The following NCOR2 variants were observed in gnomAD, a reference collection of about 807,000 sequenced individuals.
The protein encoded by NCOR2 is CTG repeat protein 26.
In NCOR2, 81 loss-of-function variants were observed where a neutral mutation model predicts 262.9. The observed-to-expected ratio is 0.31, with a 90% CI of 0.26 to 0.37. NCOR2 has a LOEUF of 0.37. Among genes scored for constraint, NCOR2 ranks in the 10% least tolerant of loss-of-function variants. The probability of loss-of-function intolerance (pLI) is 1.00; values close to 1 mark genes in which losing one functional copy is unlikely to be tolerated. For missense variants in NCOR2, 3,385 were observed against 3,621.4 expected (o/e 0.93, Z 1.68); for synonymous variants, 1,659 against 1,559.3 (o/e 1.06, Z -1.51).
At chr12:124,364,891 T>C (rs1231953672) in intron 20 of NCOR2, among the ~76,000 whole-genome samples, 1 of 151,778 alleles carries the variant, frequency 6.6e-6, no homozygotes, top group Non-Finnish European at 1.5e-5. Flanking sequence ...CGGCCTGCAT[T>C]TGGGGGTATG....
At chr12:124,369,991 T>C (rs1593249263) in intron 20 of NCOR2, among the ~76,000 whole-genome samples, 1 of 152,268 alleles carries the variant, frequency 6.6e-6, no homozygotes, top group East Asian at 1.9e-4. Context: ...AGGCAGCTTA[T>C]CAATGGGGCT....
At chr12:124,509,161 C>G (rs1251699055) in intron 1 of NCOR2, among the ~76,000 whole-genome samples, 2 of 151,930 alleles carry the variant, frequency 1.3e-5, no homozygotes, top group African/African-American at 4.8e-5. Context: ...GGGCAACCAC[C>G]CCCCCTGCAC....
At chr12:124,556,834 G>A (rs1433072923) in intron 1 of NCOR2, among the ~76,000 whole-genome samples, 6 of 148,988 alleles carry the variant, frequency 4.0e-5, no homozygotes, top group African/African-American at 1.5e-4. Context: ...GGGCAACAGA[G>A]CAAGACTCTT....
At chr12:124,403,649 T>C (rs926583442) in intron 13 of NCOR2, among the ~76,000 whole-genome samples, 4 of 152,132 alleles carry the variant, frequency 2.6e-5, no homozygotes, top group African/African-American at 4.8e-5. Flanking sequence ...GTCACGGCAA[T>C]GTTTCAAACC....
intron 8 of NCOR2, among the ~76,000 whole-genome samples, chr12:124,436,119 T>C (rs2044324078): frequency 6.6e-6 from 1 of 152,142 alleles, no homozygotes; most frequent in Admixed American, 6.5e-5. Context: ...TCACACACAG[T>C]AGGTGCTCCG....
In NCOR2 at chr12:124,523,636, T is replaced by A. The variant is rs1286743262; in HGVS notation, c.-118+11929A>T. Among the ~76,000 whole-genome samples, 15 of 138,550 alleles carry A rather than the reference T, an allele frequency of 1.1e-4. No individual in the cohort carries two copies. The highest frequency in any genetic ancestry group is 1.1e-4 in the African/African-American group (4 of 36,002). The allele number at this position is 138,550 out of a possible 152,430, so 90.9% of individuals were successfully genotyped here. On this transcript the variant is annotated intron_variant, in intron 1 of 46. Coordinates refer to the NCOR2 transcript ENST00000404621. This position sits in a 1 kb window ranked among gnomAD's most constrained non-coding sequence, Gnocchi z 4.0. Reference sequence around the variant, plus strand: ...CTAACACTAACCATAGCTGATGAACTAAAAAAAAAAAAAACAAAAAACCGA... The same window carrying A: ...CTAACACTAACCATAGCTGATGAACAAAAAAAAAAAAAAACAAAAAACCGA...
At chr12:124,521,628 C>T (rs985652319) in intron 1 of NCOR2, among the ~76,000 whole-genome samples, 1 of 152,120 alleles carries the variant, frequency 6.6e-6, no homozygotes, top group African/African-American at 2.4e-5. Flanking sequence ...GTGACCCCAC[C>T]GGTACAGGGT....
intron 1 of NCOR2, among the ~76,000 whole-genome samples, chr12:124,551,883 C>T (rs192211641): frequency 5.3e-5 from 8 of 152,210 alleles, no homozygotes; most frequent in African/African-American, 1.9e-4. Flanking sequence ...GGAAAGGCCG[C>T]GGCTCCAAGA....
intron 13 of NCOR2, among the ~76,000 whole-genome samples, chr12:124,404,978 A>G (rs2042201615): frequency 6.6e-6 from 1 of 152,204 alleles, no homozygotes; most frequent in South Asian, 2.1e-4. Context: ...GCAAAGGCTG[A>G]CGGCCCAGAG....
intron 1 of NCOR2, among the ~76,000 whole-genome samples, chr12:124,500,846 G>T (rs1458770210): frequency 2.0e-5 from 3 of 152,248 alleles, no homozygotes; most frequent in Non-Finnish European, 4.4e-5. Context: ...GGGGCTGGTG[G>T]AGGTGTGGGA....
At chr12:124,395,820 G>A (rs1223687958) in intron 16 of NCOR2, among the ~76,000 whole-genome samples, 2 of 152,176 alleles carry the variant, frequency 1.3e-5, no homozygotes, top group Non-Finnish European at 2.9e-5. Context: ...TCCGATGGGT[G>A]GGTGCTCTGG....
chr12:124,372,348 CT>C lies in NCOR2; in HGVS notation c.2480del (p.Lys827ArgfsTer137). On this transcript the variant is annotated frameshift_variant, in exon 20 of 47. Coordinates refer to ENST00000405201, the Ensembl canonical transcript of NCOR2. LOFTEE classifies it high-confidence loss of function. ...GGGGCGCTGCTGCGGTCTCCTCCTC[CT>C]TCTCCTCCTTGGGGACCACAGGAGG... 1 of 1,517,034 alleles carries C rather than the reference CT, an allele frequency of 6.6e-7. No homozygotes were observed. The highest frequency in any genetic ancestry group is 1.8e-4 in the Middle Eastern group (1 of 5,586). 94.0% of individuals were successfully genotyped at this position (1,517,034 alleles called of 1,614,324 possible).
intron 33 of NCOR2, among the ~76,000 whole-genome samples, chr12:124,342,675 A>T (rs1008191932): frequency 7.9e-5 from 12 of 152,200 alleles, no homozygotes; most frequent in Admixed American, 5.9e-4. Context: ...GCAACTTTTA[A>T]AAAAGACTTT....
At chr12:124,383,405 T>C in intron 17 of NCOR2, 1 of 364,274 alleles carries the variant, frequency 2.7e-6, no homozygotes, top group South Asian at 9.2e-5. Context: ...TGGCTGCATG[T>C]TCGTCCACGC....
intron 15 of NCOR2, among the ~76,000 whole-genome samples, chr12:124,398,499 C>G (rs1263581952): frequency 6.6e-6 from 1 of 152,232 alleles, no homozygotes; most frequent in Non-Finnish European, 1.5e-5. Flanking sequence ...GAAGGGGACA[C>G]TGAAGCAGTC....
chr12:124,422,941 C>T (rs1028967308), intron 11 of NCOR2, among the ~76,000 whole-genome samples: 6 of 152,188 alleles, frequency 3.9e-5, no homozygotes, highest in Non-Finnish European at 5.9e-5. Context: ...ACCCAGCCCA[C>T]ACAGGGTCTG....
At chr12:124,505,351 AGCCACCTGTTTACC>A (rs2048987424) in intron 1 of NCOR2, among the ~76,000 whole-genome samples, 1 of 152,144 alleles carries the variant, frequency 6.6e-6, no homozygotes, top group African/African-American at 2.4e-5. Flanking sequence ...CCTGTGCCAC[AGCCACCTGTTTACC>A]GCTGTCTCCC....
chr12:124,492,163 G>A (rs1051459810), intron 1 of NCOR2, among the ~76,000 whole-genome samples: 4 of 152,220 alleles, frequency 2.6e-5, no homozygotes, highest in Non-Finnish European at 4.4e-5. Context: ...CGGCATCCAC[G>A]GTCCTGTGGT....
rs193097789 is a variant in NCOR2, at chr12:124,344,610, C to G, written c.4701G>C (p.Pro1567=). The G allele has an allele frequency of 3.4e-6, 5 of 1,452,658 alleles. No homozygotes were observed. The Admixed American group carries it at 1.3e-4, about 39-fold the overall frequency. 90.0% of individuals were successfully genotyped at this position (1,452,658 alleles called of 1,614,324 possible). Residue 1567 remains proline, a synonymous_variant, in exon 32 of 47, where the codon CCG becomes CCC. Transcript: ENST00000405201. The stretch of plus-strand genomic sequence containing the variant: ...CACCCCACTCACCCTCCTGCAGGCG[C>G]GGCGTGGGCTCCCGCGTGGTCACGG...
Sources: allele counts gnomAD v4.1 joint callset (sites outside exome capture counted in the v4.1 genomes callset), GRCh38; gene constraint gnomAD v4.1.1; non-coding constraint Gnocchi (gnomAD v3.1); transcripts MANE v1.5; gene names NCBI Gene and HGNC (gene_info 2026-07-23, HGNC 2026-07-21).